The following SRGAP1 variants were observed in gnomAD, a reference collection of about 807,000 sequenced individuals.
SRGAP1 encodes SLIT-ROBO Rho GTPase activating protein 1.
In SRGAP1, 43 loss-of-function variants were observed where a neutral mutation model predicts 121.9. That is an observed-to-expected ratio of 0.35 (90% CI 0.28 to 0.46). The LOEUF (loss-of-function observed/expected upper bound fraction) is 0.46. Among genes scored for constraint, SRGAP1 ranks in the 20% least tolerant of loss-of-function variants. The probability of loss-of-function intolerance (pLI) is 1.00; values close to 1 mark genes in which losing one functional copy is unlikely to be tolerated. For synonymous variants in SRGAP1, 447 were observed against 485.4 expected, an observed-to-expected ratio of 0.92 and a Z score of 1.04; for missense variants, 1,102 against 1,350.9, an observed-to-expected ratio of 0.82 and a Z score of 2.89.
rs1438370451 is a variant in SRGAP1, at chr12:64,155,520, G to A, written c.*12848G>A. 2 of 151,312 alleles carry A rather than the reference G, an allele frequency of 1.3e-5. No individual in the cohort carries two copies. Among genetic ancestry groups the A allele is most frequent in the Non-Finnish European group, 2.9e-5 (2 of 67,880 alleles). The allele number at this position is 151,312 out of a possible 1,614,324, so 9.4% of individuals were successfully genotyped here. ...GGTCACGCCACGGCACTCCAGCTTG[G>A]GTGATAGAGTGGGACTCCGTCTCAA... On this transcript the variant is annotated 3_prime_UTR_variant, in exon 22 of 22. Transcript: ENST00000355086.
At chr12:64,022,338 C>G (rs780751491) in intron 4 of SRGAP1, among the ~76,000 whole-genome samples, 2 of 152,126 alleles carry the variant, frequency 1.3e-5, no homozygotes, top group Non-Finnish European at 2.9e-5. Flanking sequence ...GGTGTAAGTT[C>G]CAATTCAACT....
chr12:63,994,165 C>G (rs2033630450), intron 3 of SRGAP1, among the ~76,000 whole-genome samples: 3 of 152,114 alleles, frequency 2.0e-5, no homozygotes, highest in Non-Finnish European at 4.4e-5. Flanking sequence ...AACCACTTAG[C>G]CTAGTGTCTG....
At chr12:63,969,091 T>C (rs1255807977) in intron 1 of SRGAP1, among the ~76,000 whole-genome samples, 1 of 152,218 alleles carries the variant, frequency 6.6e-6, no homozygotes, top group Non-Finnish European at 1.5e-5. Flanking sequence ...AGAAGGAAGA[T>C]GGTGTGAAGC....
At chr12:63,872,483 C>T (rs373144180) in intron 1 of SRGAP1, among the ~76,000 whole-genome samples, 1 of 152,244 alleles carries the variant, frequency 6.6e-6, no homozygotes, top group African/African-American at 2.4e-5. Flanking sequence ...GTCCTTTCTC[C>T]TTTTTTCCCT....
At chr12:64,012,885 G>A (rs1261097449) in intron 3 of SRGAP1, among the ~76,000 whole-genome samples, 18 of 151,824 alleles carry the variant, frequency 1.2e-4, no homozygotes, top group Admixed American at 1.2e-3. Context: ...GAATCCATAG[G>A]TGTATTTAAC....
At chr12:63,973,596 A>C (rs2033017473) in intron 1 of SRGAP1, among the ~76,000 whole-genome samples, 1 of 152,244 alleles carries the variant, frequency 6.6e-6, no homozygotes, top group Admixed American at 6.5e-5. Context: ...ATTAGATATA[A>C]ATGTTAAATT....
intron 21 of SRGAP1, among the ~76,000 whole-genome samples, chr12:64,134,775 C>T (rs577040567): frequency 1.3e-5 from 2 of 152,294 alleles, no homozygotes; most frequent in South Asian, 4.1e-4. Flanking sequence ...TTCCATCTAC[C>T]ATTATCCCAC....
intron 8 of SRGAP1, among the ~76,000 whole-genome samples, chr12:64,073,498 G>T (rs2035679066): frequency 6.6e-6 from 1 of 152,032 alleles, no homozygotes; most frequent in South Asian, 2.1e-4. Context: ...AAGGGGGATT[G>T]GTTCCAGCAC....
At chr12:63,934,194 G>T (rs74099381) in intron 1 of SRGAP1, among the ~76,000 whole-genome samples, 3,412 of 152,182 alleles carry the variant, frequency 0.022, 114 homozygotes, top group African/African-American at 0.077. Context: ...CTCTGCACTT[G>T]ACAAGGCATG....
chr12:64,052,578 T>C (rs899337845), intron 6 of SRGAP1, among the ~76,000 whole-genome samples: 1 of 151,488 alleles, frequency 6.6e-6, no homozygotes, highest in African/African-American at 2.4e-5. Flanking sequence ...AAAATAAACG[T>C]ATATGTTTTG....
At chr12:64,051,210 A>G (rs1382154154) in intron 6 of SRGAP1, among the ~76,000 whole-genome samples, 4 of 152,220 alleles carry the variant, frequency 2.6e-5, no homozygotes, top group African/African-American at 9.6e-5. Flanking sequence ...AGAATACATC[A>G]TTAAGTGTGT....
chr12:63,909,091 T>C (rs1013059257), intron 1 of SRGAP1, among the ~76,000 whole-genome samples: 2 of 152,122 alleles, frequency 1.3e-5, no homozygotes, highest in Non-Finnish European at 2.9e-5. Context: ...GGTTTCACCA[T>C]GTTGGCCAGG....
At chr12:64,102,557 T>TC (rs1329423899) in intron 15 of SRGAP1, among the ~76,000 whole-genome samples, 1 of 152,098 alleles carries the variant, frequency 6.6e-6, no homozygotes, top group Non-Finnish European at 1.5e-5. Context: ...TGGCAATTAC[T>TC]CCCCGTTTAC....
rs977341883 is a variant in SRGAP1 at position 63,893,798 on chromosome 12, C to T, written c.67+48915C>T. On this transcript the variant is annotated intron_variant, in intron 1 of 21. Transcript: ENST00000355086. ...GTTACTCTAATTACATCTGACATTA[C>T]TATGGAGTTCTTTTGCATGTTAAGA... is the stretch of plus-strand genomic sequence containing the variant. Among the ~76,000 whole-genome samples, 3 of 152,164 alleles carry T rather than the reference C, an allele frequency of 2.0e-5. No individual in the cohort carries two copies. In the South Asian group the frequency reaches 6.2e-4, roughly 32 times the overall value.
chr12:64,028,380 T>A (rs940165571), intron 4 of SRGAP1, among the ~76,000 whole-genome samples: 2 of 152,232 alleles, frequency 1.3e-5, no homozygotes, highest in Non-Finnish European at 2.9e-5. Context: ...TGCAGCTCAG[T>A]TGCTTTGACC....
At chr12:63,936,346 C>A (rs2136344762) in intron 1 of SRGAP1, among the ~76,000 whole-genome samples, 1 of 152,238 alleles carries the variant, frequency 6.6e-6, no homozygotes, top group East Asian at 1.9e-4. Flanking sequence ...AGCATATTCC[C>A]TTTCTATATT....
chr12:64,043,542 G>A lies in SRGAP1; in HGVS notation c.768G>A (p.Lys256=), dbSNP rs777839106. Residue 256 remains lysine, a synonymous_variant, in exon 6 of 22, where the codon AAG becomes AAA. Transcript: ENST00000355086. ...AAGCCACCAATGCCTCAGTTTTCAA[G>A]TACTATATTCATGATCTTTCTGATT... ...TLEATNASVF[K]YYIHDLSDLI... is the part of the protein sequence containing the mutation. 6.2e-7 allele frequency: 1 copy of A among 1,612,112 alleles called. No individual in the cohort carries two copies. Among genetic ancestry groups the A allele is most frequent in the Admixed American group, 1.7e-5 (1 of 59,722 alleles).
At chr12:64,014,119 C>A (rs1447613402) in intron 3 of SRGAP1, among the ~76,000 whole-genome samples, 2 of 152,150 alleles carry the variant, frequency 1.3e-5, no homozygotes, top group African/African-American at 4.8e-5. Flanking sequence ...CTTACAAGAA[C>A]CTTATGAGAT....
At chr12:64,082,438 C>A (rs898583547) in intron 10 of SRGAP1, among the ~76,000 whole-genome samples, 2 of 151,330 alleles carry the variant, frequency 1.3e-5, no homozygotes, top group African/African-American at 4.9e-5. Flanking sequence ...TTGTGAACTG[C>A]AAGCCAGAAT....
Sources: gnomAD v4.1 joint callset for allele counts (sites outside exome capture counted in the v4.1 genomes callset) on GRCh38, gnomAD v4.1.1 for gene constraint, MANE v1.5 for transcripts, NCBI Gene and HGNC (gene_info 2026-07-23, HGNC 2026-07-21) for gene names.